The following CENPK variants were observed in gnomAD, a reference collection of about 807,000 sequenced individuals.
CENPK encodes the protein centromere protein K.
In CENPK, 46 loss-of-function variants were observed where a neutral mutation model predicts 40.9. The observed-to-expected ratio is 1.13, with a 90% CI of 0.89 to 1.44. The LOEUF is 1.44. Among genes scored for constraint, CENPK ranks in the 40% most tolerant of loss-of-function variants. The probability of loss-of-function intolerance (pLI) is 0.00; values close to 1 mark genes in which losing one functional copy is unlikely to be tolerated. For missense variants in CENPK, 288 were observed against 303.5 expected, an observed-to-expected ratio of 0.95 and a Z score of 0.38; for synonymous variants, 107 against 104.4, an observed-to-expected ratio of 1.02 and a Z score of -0.15.
chr5:65,556,645 T>C (rs1437862591), intron 2 of CENPK, among the ~76,000 whole-genome samples: 1 of 152,136 alleles, frequency 6.6e-6, no homozygotes, highest in East Asian at 1.9e-4. Context: ...AAAAAATAAA[T>C]TTAGTATAGC....
intron 6 of CENPK, among the ~76,000 whole-genome samples, chr5:65,531,336 A>C (rs1336459481): frequency 6.6e-6 from 1 of 152,192 alleles, no homozygotes; most frequent in Non-Finnish European, 1.5e-5. Flanking sequence ...GGGTCAAAGA[A>C]GCAACCAATA....
chr5:65,505,858 T>C, the CENPK span, among the ~76,000 whole-genome samples: 2 of 152,248 alleles, frequency 1.3e-5, no homozygotes, highest in African/African-American at 4.8e-5. Flanking sequence ...AGTCCTTTGA[T>C]CTCTCCTCTA....
chr5:65,497,318 A>G, the CENPK span, among the ~76,000 whole-genome samples: 4 of 152,098 alleles, frequency 2.6e-5, no homozygotes, highest in Admixed American at 1.3e-4. Flanking sequence ...CAGTGAGCCA[A>G]GATTGCCCCC....
At chr5:65,508,166 A>G in the CENPK span, among the ~76,000 whole-genome samples, 2 of 152,348 alleles carry the variant, frequency 1.3e-5, no homozygotes, top group South Asian at 2.1e-4. Context: ...AATACAAAAT[A>G]CAATTTTAGA....
At position 65,563,111 on chromosome 5, in the gene CENPK, C is replaced by A; in HGVS notation, c.-155G>T. 1.6e-6 allele frequency: 1 copy of A among 608,648 alleles called. No individual in the cohort carries two copies. Among genetic ancestry groups the A allele is most frequent in the Non-Finnish European group, 2.8e-6 (1 of 359,346 alleles). 37.7% of individuals were successfully genotyped at this position (608,648 alleles called of 1,614,324 possible). On this transcript the variant is annotated 5_prime_UTR_variant, in exon 1 of 11. Coordinates refer to ENST00000396679, the MANE Select transcript of CENPK (RefSeq NM_022145.5). Reference sequence around the variant, plus strand: ...CCCAGGTCTTACCATCACAGCGTCACAAACTCCAGGTCGCCTAGGCGCTGC... The same window carrying A: ...CCCAGGTCTTACCATCACAGCGTCAAAAACTCCAGGTCGCCTAGGCGCTGC...
In CENPK at chr5:65,554,867, A is replaced by G; in HGVS notation, c.41T>C (p.Val14Ala). The G allele has an allele frequency of 6.2e-7, 1 of 1,605,000 alleles. No individual in the cohort carries two copies. Among genetic ancestry groups the G allele is most frequent in the Non-Finnish European group, 8.5e-7 (1 of 1,172,040 alleles). The change falls in exon 3 of 11, where the codon GTG (valine) becomes GCG (alanine). Residue 14 changes from valine (V) to alanine (A), a missense_variant. Val to Ala is a moderately conservative substitution (Grantham distance 64). Transcript: ENST00000396679. The stretch of plus-strand genomic sequence containing the variant: ...TTCTTCAGTATTTGTAACATCTCCC[A>G]CATCTGTAGTACTATCCGGATCTAG... ...EDLDPDSTTD[V>A]GDVTNTEEEL... is the part of the protein sequence containing the mutation.
intron 2 of CENPK, among the ~76,000 whole-genome samples, chr5:65,559,966 G>T (rs1751685474): frequency 1.3e-5 from 2 of 151,458 alleles, no homozygotes; most frequent in Non-Finnish European, 2.9e-5. Flanking sequence ...AACATTTATA[G>T]TATTTGCGGA....
At position 65,518,334 on chromosome 5, in the gene CENPK, C is replaced by T. The variant is rs1379083883; in HGVS notation, c.*141G>A. 9.5e-6 allele frequency: 7 copies of T among 737,460 alleles called. No homozygotes were observed. The highest frequency in any genetic ancestry group is 2.6e-4 in the Middle Eastern group (1 of 3,890). The allele number at this position is 737,460 out of a possible 1,614,324, so 45.7% of individuals were successfully genotyped here. A position where few individuals can be genotyped will look rare whatever the true frequency, so the allele number is the denominator to read the frequency against. On this transcript the variant is annotated 3_prime_UTR_variant, in exon 11 of 11. Coordinates refer to ENST00000396679, the MANE Select transcript of CENPK (RefSeq NM_022145.5). ...CCATTTAAAAATGAATAATAGATGG[C>T]AGCACATGCCATTTTGCAATAAAAG...
chr5:65,538,658 A>G (rs541710913), intron 6 of CENPK, among the ~76,000 whole-genome samples: 1 of 152,334 alleles, frequency 6.6e-6, no homozygotes, highest in South Asian at 2.1e-4. Flanking sequence ...CTGCAGACAG[A>G]GCGATGGAGG....
chr5:65,522,526 T>A (rs1404146219), intron 9 of CENPK, among the ~76,000 whole-genome samples: 1 of 152,174 alleles, frequency 6.6e-6, no homozygotes, highest in Non-Finnish European at 1.5e-5. Flanking sequence ...CTTCCTGGGC[T>A]CAAACTATCT....
downstream of CENPK, among the ~76,000 whole-genome samples, chr5:65,515,310 C>T (rs1444394161): frequency 6.7e-6 from 1 of 149,876 alleles, no homozygotes; most frequent in Non-Finnish European, 1.5e-5. Flanking sequence ...TTCAGGCCAT[C>T]CTCCGCCTCA....
At position 65,555,058 on chromosome 5, in the gene CENPK, C is replaced by A. The variant is rs62369036; in HGVS notation, c.-39-112G>T. 6.8e-4 allele frequency: 408 copies of A among 601,426 alleles called. 4 individuals are homozygous for A. The East Asian group carries it at 0.011, about 15-fold the overall frequency. 37.3% of individuals were successfully genotyped at this position (601,426 alleles called of 1,614,324 possible). On this transcript the variant is annotated intron_variant, in intron 2 of 10. Coordinates refer to ENST00000396679, the MANE Select transcript of CENPK (RefSeq NM_022145.5). Reference sequence around the variant, plus strand: ...CAATGAACAAAATAGACAAAAATCCCTCCTACCGTGAACCTTATTCTAAGT... The same window carrying A: ...CAATGAACAAAATAGACAAAAATCCATCCTACCGTGAACCTTATTCTAAGT...
At chr5:65,536,539 G>C (rs1746923707) in intron 6 of CENPK, among the ~76,000 whole-genome samples, 2 of 152,048 alleles carry the variant, frequency 1.3e-5, no homozygotes. Flanking sequence ...AAGGCAGGAA[G>C]ATCATTTGAC....
intron 6 of CENPK, chr5:65,529,429 T>C (rs948531339): frequency 2.7e-5 from 11 of 408,308 alleles, no homozygotes; most frequent in African/African-American, 2.3e-4. Context: ...AATTTTAATA[T>C]CATATTGAAA....
chr5:65,548,504 G>A (rs1052999076), intron 5 of CENPK, among the ~76,000 whole-genome samples: 3 of 151,856 alleles, frequency 2.0e-5, no homozygotes, highest in Admixed American at 1.3e-4. Flanking sequence ...TTGCCACACC[G>A]ATTGACTCTT....
Position 65,521,509 on chromosome 5 carries a change from G to A in CENPK, c.617C>T (p.Ser206Phe), listed in dbSNP as rs759382373. 1.2e-6 allele frequency: 2 copies of A among 1,607,806 alleles called. No individual in the cohort carries two copies. The highest frequency in any genetic ancestry group is 2.2e-5 in the South Asian group (2 of 90,478). Reference protein sequence around the residue: ...KKKKKNIQESSVNLITLHEML... With the variant: ...KKKKKNIQESFVNLITLHEML... ...TTCATGCAGTGTTATCAGGTTTACAGATGATTCTTGAATGTTTTTCTTCAA... is the reference window on the plus strand; with the variant it reads ...TTCATGCAGTGTTATCAGGTTTACAAATGATTCTTGAATGTTTTTCTTCAA... The change falls in exon 10 of 11, where the codon TCT becomes TTT. Residue 206 changes from serine (S) to phenylalanine (F), a missense_variant. Transcript: ENST00000396679.
intron 6 of CENPK, among the ~76,000 whole-genome samples, chr5:65,533,747 A>G (rs1746327415): frequency 6.6e-6 from 1 of 152,170 alleles, no homozygotes; most frequent in African/African-American, 2.4e-5. Flanking sequence ...TAATAAATAA[A>G]AATTGAAATT....
At chr5:65,559,560 C>T (rs1751594633) in intron 2 of CENPK, among the ~76,000 whole-genome samples, 1 of 145,588 alleles carries the variant, frequency 6.9e-6, no homozygotes, top group South Asian at 2.2e-4. Flanking sequence ...ACCCGGGAGG[C>T]GGAGCTTGCA....
At chr5:65,506,283 A>G in the CENPK span, among the ~76,000 whole-genome samples, 2 of 151,710 alleles carry the variant, frequency 1.3e-5, no homozygotes, top group Non-Finnish European at 2.9e-5. Flanking sequence ...TGGCACAGGA[A>G]GATGGCTTAA....
Sources: allele counts gnomAD v4.1 joint callset (sites outside exome capture counted in the v4.1 genomes callset), GRCh38; gene constraint gnomAD v4.1.1; transcripts MANE v1.5; gene names NCBI Gene and HGNC (gene_info 2026-07-23, HGNC 2026-07-21).